Variants in SNRPD1 observed in about 807,000 individuals in gnomAD.
The protein encoded by SNRPD1 is small nuclear ribonucleoprotein Sm D1.
Under a neutral mutation model 14.4 loss-of-function variants are expected in SNRPD1, and 1 was observed. That is an observed-to-expected ratio of 0.07 (90% CI 0.02 to 0.33). The LOEUF is 0.33. Among genes scored for constraint, SNRPD1 ranks in the 10% least tolerant of loss-of-function variants. The probability of loss-of-function intolerance (pLI) is 1.00; values close to 1 mark genes in which losing one functional copy is unlikely to be tolerated. For synonymous variants in SNRPD1, 42 were observed against 50.3 expected (o/e 0.83, Z 0.70); for missense variants, 52 against 146.4 (o/e 0.36, Z 3.33).
At chr18:21,618,457 T>C (rs1397184826) in intron 1 of SNRPD1, among the ~76,000 whole-genome samples, 2 of 151,940 alleles carry the variant, frequency 1.3e-5, no homozygotes, top group East Asian at 1.9e-4. Context: ...GTTTTTTTTT[T>C]CCTTTTATTT....
Position 21,629,159 on chromosome 18 carries a change from T to G in SNRPD1, c.*21T>G, listed in dbSNP as rs113067364. ...GATAATGTCTCTCAAGATTTCAAAG[T>G]CATATGAGATTTGGGATATTTTTTG... On this transcript the variant is annotated 3_prime_UTR_variant, in exon 4 of 4. Transcript: ENST00000300413. The G allele has an allele frequency of 5.8e-6, 9 of 1,560,268 alleles. No homozygotes were observed. In the African/African-American group the frequency reaches 6.8e-5, roughly 12 times the overall value.
chr18:21,631,667 C>T lies in SNRPD1; in HGVS notation c.*2529C>T, dbSNP rs1258543258. 6.6e-6 allele frequency: 1 copy of T among 152,058 alleles called. No individual in the cohort carries two copies. Among genetic ancestry groups the T allele is most frequent in the South Asian group, 2.1e-4 (1 of 4,818 alleles). 9.4% of individuals were successfully genotyped at this position (152,058 alleles called of 1,614,324 possible). On this transcript the variant is annotated 3_prime_UTR_variant, in exon 4 of 4. Coordinates refer to ENST00000300413, the MANE Select transcript of SNRPD1 (RefSeq NM_006938.4). ...TAGGATGGTCTCGTTCTCCTGACCTCATGATCTGCACGAGGCCTCCCAATG... is the reference window on the plus strand; with the variant it reads ...TAGGATGGTCTCGTTCTCCTGACCTTATGATCTGCACGAGGCCTCCCAATG...
chr18:21,623,178 C>T (rs908003455), intron 2 of SNRPD1, among the ~76,000 whole-genome samples: 2 of 151,780 alleles, frequency 1.3e-5, no homozygotes, highest in African/African-American at 4.8e-5. Context: ...CTCTGCCTCC[C>T]GGGTCCGGGT....
At chr18:21,615,360 A>C (rs561402220) in intron 1 of SNRPD1, among the ~76,000 whole-genome samples, 1 of 152,318 alleles carries the variant, frequency 6.6e-6, no homozygotes, top group South Asian at 2.1e-4. Context: ...TCACGTCTGT[A>C]ATCCCAGCAC....
In SNRPD1 at chr18:21,631,438, T is replaced by G. The variant is rs914741880; in HGVS notation, c.*2300T>G. 4 of 138,076 alleles carry G rather than the reference T, an allele frequency of 2.9e-5. No homozygotes were observed. Among genetic ancestry groups the G allele is most frequent in the African/African-American group, 8.3e-5 (3 of 35,944 alleles). The allele number at this position is 138,076 out of a possible 1,614,324, so 8.6% of individuals were successfully genotyped here. On this transcript the variant is annotated 3_prime_UTR_variant, in exon 4 of 4. Coordinates refer to ENST00000300413, the MANE Select transcript of SNRPD1 (RefSeq NM_006938.4). Reference sequence around the variant, plus strand: ...ATTTTTCTCCACACGTTTTTTTTTTTTTTTTTTTTTTTTTTCTGGAGACAG... The same window carrying G: ...ATTTTTCTCCACACGTTTTTTTTTTGTTTTTTTTTTTTTTTCTGGAGACAG...
chr18:21,623,586 C>A (rs1042175502), intron 2 of SNRPD1, among the ~76,000 whole-genome samples, 162 bp from the exon 3 acceptor site: 3 of 152,186 alleles, frequency 2.0e-5, no homozygotes, highest in Non-Finnish European at 4.4e-5. Flanking sequence ...TGACATTCCC[C>A]CATTTACCAG....
Position 21,632,295 on chromosome 18 carries a change from C to G in SNRPD1, c.*3157C>G, listed in dbSNP as rs1337307245. On this transcript the variant is annotated 3_prime_UTR_variant, in exon 4 of 4. Transcript: ENST00000300413. Reference sequence around the variant, plus strand: ...GGGTAACATGGTGAAACCCTGTCTACTGAAAATACAAAAATTAGCTTGGTG... The same window carrying G: ...GGGTAACATGGTGAAACCCTGTCTAGTGAAAATACAAAAATTAGCTTGGTG... 6.6e-6 allele frequency: 1 copy of G among 151,976 alleles called. No individual in the cohort carries two copies. The highest frequency in any genetic ancestry group is 2.4e-5 in the African/African-American group (1 of 41,360). 9.4% of individuals were successfully genotyped at this position (151,976 alleles called of 1,614,324 possible).
At chr18:21,622,290 C>T (rs1326265488) in intron 1 of SNRPD1, among the ~76,000 whole-genome samples, 1 of 152,042 alleles carries the variant, frequency 6.6e-6, no homozygotes, top group African/African-American at 2.4e-5. Context: ...CAGGTGCCCG[C>T]CACCATGCCC....
intron 1 of SNRPD1, among the ~76,000 whole-genome samples, chr18:21,619,576 G>A (rs996586494): frequency 2.0e-5 from 3 of 149,912 alleles, no homozygotes; most frequent in African/African-American, 7.3e-5. Flanking sequence ...CCTGAGGTCA[G>A]AAGTTCGAGA....
chr18:21,622,626 A>G (rs1047947190), intron 1 of SNRPD1, 99 bp from the exon 2 acceptor site: 5 of 648,556 alleles, frequency 7.7e-6, no homozygotes, highest in Non-Finnish European at 1.4e-5. Flanking sequence ...TGCAGATAGC[A>G]TCTAGCAAAT....
intron 1 of SNRPD1, among the ~76,000 whole-genome samples, chr18:21,620,374 T>G (rs568668416): frequency 6.6e-6 from 1 of 152,300 alleles, no homozygotes; most frequent in African/African-American, 2.4e-5. Context: ...GTGGTGAAAT[T>G]ACAGGCATGA....
At chr18:21,613,010 A>G (rs1166242937) in intron 1 of SNRPD1, among the ~76,000 whole-genome samples, 1 of 152,010 alleles carries the variant, frequency 6.6e-6, no homozygotes, top group East Asian at 1.9e-4. Flanking sequence ...GCCGATTTTT[A>G]AGTTTACCTT....
intron 2 of SNRPD1, 24 bp downstream of exon 2, chr18:21,622,825 T>G: frequency 7.8e-7 from 1 of 1,275,608 alleles, no homozygotes; most frequent in Non-Finnish European, 1.1e-6. Context: ...ACTGCTTTTA[T>G]AACATTTTTT....
At chr18:21,622,383 G>A (rs560160794) in intron 1 of SNRPD1, among the ~76,000 whole-genome samples, 77 of 152,146 alleles carry the variant, frequency 5.1e-4, no homozygotes, top group Non-Finnish European at 7.9e-4. Context: ...CTCGTGATCC[G>A]CCCGCCTTGG....
rs2038925496 is a variant in SNRPD1, at chr18:21,612,449, G to A, written c.14+6G>A. On this transcript the variant is annotated splice_donor_region_variant and intron_variant, in intron 1 of 3. Coordinates refer to ENST00000300413, the MANE Select transcript of SNRPD1 (RefSeq NM_006938.4). ...GCTAGGATGAAGCTCGTGAGGTGAG[G>A]GAGTGACCAAGCAGCTCTGGGGGCT... 3.9e-6 allele frequency: 6 copies of A among 1,544,012 alleles called. No individual in the cohort carries two copies. Among genetic ancestry groups the A allele is most frequent in the Non-Finnish European group, 5.3e-6 (6 of 1,136,672 alleles).
chr18:21,629,379 C>A lies in SNRPD1; in HGVS notation c.*241C>A. On this transcript the variant is annotated 3_prime_UTR_variant, in exon 4 of 4. Coordinates refer to ENST00000300413, the MANE Select transcript of SNRPD1 (RefSeq NM_006938.4). ...TTTTTGAACTAAAATTTTTCTTTTT[C>A]TTTTTATGATGAATAAGGTTAAAAT... The A allele has an allele frequency of 2.4e-6, 1 of 416,852 alleles. No homozygotes were observed. The highest frequency in any genetic ancestry group is 2.0e-5 in the African/African-American group (1 of 49,636). 25.8% of individuals were successfully genotyped at this position (416,852 alleles called of 1,614,324 possible).
At chr18:21,624,785 T>A (rs1487285728) in intron 3 of SNRPD1, among the ~76,000 whole-genome samples, 1 of 151,986 alleles carries the variant, frequency 6.6e-6, no homozygotes, top group Admixed American at 6.6e-5. Flanking sequence ...CTCATGCTGC[T>A]TTCCACTTTA....
intron 1 of SNRPD1, among the ~76,000 whole-genome samples, chr18:21,618,780 G>A (rs932601565): frequency 7.2e-5 from 11 of 151,766 alleles, no homozygotes; most frequent in South Asian, 6.3e-4. Context: ...TTTCTTTTTT[G>A]TGATGGCTGT....
chr18:21,629,107 G>A lies in SNRPD1; in HGVS notation c.329G>A (p.Arg110His), dbSNP rs1434119388. 1.9e-6 allele frequency: 3 copies of A among 1,613,686 alleles called. No individual in the cohort carries two copies. The change falls in exon 4 of 4, where the codon CGT becomes CAT. Residue 110 changes from arginine to histidine, a missense_variant. Coordinates refer to ENST00000300413, the MANE Select transcript of SNRPD1 (RefSeq NM_006938.4). ...RGRGRGRGRG[R>H]GRGRGGPRR ...AGAGGAAGAGGAAGAGGACGTGGCCGTGGCAGAGGAAGAGGGGGTCCTAGG... is the reference window on the plus strand; with the variant it reads ...AGAGGAAGAGGAAGAGGACGTGGCCATGGCAGAGGAAGAGGGGGTCCTAGG...
Sources: allele counts gnomAD v4.1 joint callset (sites outside exome capture counted in the v4.1 genomes callset), GRCh38; gene constraint gnomAD v4.1.1; transcripts MANE v1.5; gene names NCBI Gene and HGNC (gene_info 2026-07-23, HGNC 2026-07-21).